The following MARCHF8 variants were observed in gnomAD, a reference collection of about 807,000 sequenced individuals.
The protein encoded by MARCHF8 is E3 ubiquitin-protein ligase MARCHF8.
In MARCHF8, 40 loss-of-function variants were observed where a neutral mutation model predicts 51.6. The ratio of observed to expected loss-of-function variants is 0.77; its 90% CI spans 0.60 to 1.01. MARCHF8 has a LOEUF of 1.01. MARCHF8 is among the 50% of genes least tolerant of loss of function. The pLI, the probability that MARCHF8 is intolerant of heterozygous loss-of-function variation, is 0.00. For missense variants in MARCHF8, 685 were observed against 708.6 expected, an observed-to-expected ratio of 0.97 and a Z score of 0.38; for synonymous variants, 263 against 280.3, an observed-to-expected ratio of 0.94 and a Z score of 0.62.
At chr10:45,587,844 A>G (rs1219243611) in intron 1 of MARCHF8, among the ~76,000 whole-genome samples, 1 of 152,198 alleles carries the variant, frequency 6.6e-6, no homozygotes, top group Admixed American at 6.5e-5. Context: ...AAAGGGGAAG[A>G]AACTCAATAG....
At chr10:45,545,716 G>C (rs967445877) in intron 1 of MARCHF8, among the ~76,000 whole-genome samples, 3 of 152,156 alleles carry the variant, frequency 2.0e-5, no homozygotes, top group African/African-American at 7.2e-5. Flanking sequence ...CGCAATGCTG[G>C]ATAGATAGCA....
At chr10:45,508,151 A>T (rs776327244) in intron 2 of MARCHF8, among the ~76,000 whole-genome samples, 3 of 152,174 alleles carry the variant, frequency 2.0e-5, no homozygotes, top group Non-Finnish European at 2.9e-5. Flanking sequence ...AGTATTTCTC[A>T]GGCACCTATG....
At chr10:45,481,135 A>G (rs966227930) in intron 3 of MARCHF8, among the ~76,000 whole-genome samples, 6 of 152,246 alleles carry the variant, frequency 3.9e-5, no homozygotes, top group African/African-American at 1.2e-4. Flanking sequence ...GTGGACTTAC[A>G]TGGGGCCTTT....
At chr10:45,582,154 C>T (rs747760781) in intron 1 of MARCHF8, among the ~76,000 whole-genome samples, 1 of 152,152 alleles carries the variant, frequency 6.6e-6, no homozygotes, top group Non-Finnish European at 1.5e-5. Flanking sequence ...ATAACTTCAA[C>T]CTGTCTCTAA....
At chr10:45,481,348 GT>G (rs1232562322) in intron 3 of MARCHF8, among the ~76,000 whole-genome samples, 1 of 152,222 alleles carries the variant, frequency 6.6e-6, no homozygotes, top group East Asian at 1.9e-4. Context: ...TTGGGGGACT[GT>G]TGGGAAGGCA....
intron 2 of MARCHF8, among the ~76,000 whole-genome samples, chr10:45,525,075 TGTG>T (rs1341429425): frequency 1.3e-5 from 2 of 152,242 alleles, no homozygotes; most frequent in Non-Finnish European, 2.9e-5. Flanking sequence ...GTAGTAAAAG[TGTG>T]GTGATTCTGT....
intron 3 of MARCHF8, among the ~76,000 whole-genome samples, chr10:45,474,738 G>C (rs1283363650): frequency 6.6e-6 from 1 of 152,192 alleles, no homozygotes; most frequent in African/African-American, 2.4e-5. Flanking sequence ...CAACAGAGAA[G>C]TGACAGAAAA....
chr10:45,570,125 T>C lies in MARCHF8; in HGVS notation c.-79+24110A>G, dbSNP rs555396229. On this transcript the variant is annotated intron_variant, in intron 1 of 6. Transcript: ENST00000319836. ...ACTGGTGAAGTCTATCAGACACATG[T>C]GGAAGAAAATAAAGGAGTAAACAAT... Among the ~76,000 whole-genome samples the C allele has an allele frequency of 3.3e-5, 5 of 152,268 alleles. No homozygotes were observed. In the South Asian group the frequency reaches 1.0e-3, roughly 32 times the overall value.
chr10:45,469,773 G>A (rs1005522722), intron 3 of MARCHF8, among the ~76,000 whole-genome samples: 1 of 146,552 alleles, frequency 6.8e-6, no homozygotes, highest in Non-Finnish European at 1.5e-5. Context: ...GCTGAGGCAG[G>A]TGAATGGCGT....
rs1476991932 is a variant in MARCHF8 at position 45,480,090 on chromosome 10, G to A, written c.153+9277C>T. 2.0e-5 allele frequency among the ~76,000 whole-genome samples: 3 copies of A among 152,316 alleles called. No homozygotes were observed. The East Asian group carries it at 5.8e-4, about 29-fold the overall frequency. On this transcript the variant is annotated intron_variant, in intron 3 of 7. Coordinates refer to ENST00000453424, the MANE Select transcript of MARCHF8 (RefSeq NM_001282866.2). Reference sequence around the variant, plus strand: ...CTGGAGTAAAGGTGACTCTTGCTATGTTTTAGCAAAGAGACTGGCAGCATT... The same window carrying A: ...CTGGAGTAAAGGTGACTCTTGCTATATTTTAGCAAAGAGACTGGCAGCATT...
At chr10:45,551,601 C>G (rs2044195384) in intron 1 of MARCHF8, among the ~76,000 whole-genome samples, 1 of 152,040 alleles carries the variant, frequency 6.6e-6, no homozygotes, top group African/African-American at 2.4e-5. Context: ...CTCAACCAAT[C>G]AGTTGAAGGC....
intron 1 of MARCHF8, among the ~76,000 whole-genome samples, chr10:45,569,948 C>A (rs552620947): frequency 6.6e-6 from 1 of 152,030 alleles, no homozygotes; most frequent in Non-Finnish European, 1.5e-5. Context: ...GAAAGATAAA[C>A]CACACAGCAC....
intron 1 of MARCHF8, among the ~76,000 whole-genome samples, chr10:45,577,013 T>C (rs1035782491): frequency 6.8e-6 from 1 of 147,938 alleles, no homozygotes; most frequent in Non-Finnish European, 1.5e-5. Context: ...CCAATGCTAA[T>C]ATTAAGACTT....
chr10:45,560,061 C>A (rs2044292620), intron 1 of MARCHF8, among the ~76,000 whole-genome samples: 1 of 151,752 alleles, frequency 6.6e-6, no homozygotes, highest in Admixed American at 6.6e-5. Context: ...GGTAAGCTGG[C>A]AAATTAGGCA....
At chr10:45,536,591 TA>T (rs35718772), upstream of MARCHF8, among the ~76,000 whole-genome samples, 4,084 of 142,084 alleles carry the variant, frequency 0.029, 157 homozygotes, top group African/African-American at 0.088. Context: ...TTATAAATGT[TA>T]AAAAAAAAAA....
chr10:45,534,526 G>A (rs756654611), intron 1 of MARCHF8, among the ~76,000 whole-genome samples: 2 of 152,068 alleles, frequency 1.3e-5, no homozygotes, highest in Non-Finnish European at 2.9e-5. Context: ...CTTACCCACT[G>A]AGATCTATCC....
At chr10:45,523,391 G>A (rs1050540653) in intron 2 of MARCHF8, among the ~76,000 whole-genome samples, 1 of 152,148 alleles carries the variant, frequency 6.6e-6, no homozygotes, top group African/African-American at 2.4e-5. Context: ...ACATGTGATG[G>A]TGTATGCCTA....
intron 2 of MARCHF8, among the ~76,000 whole-genome samples, chr10:45,528,820 C>T (rs768029926): frequency 9.8e-4 from 149 of 152,242 alleles, no homozygotes; most frequent in African/African-American, 9.1e-4. Context: ...AACTACAAAA[C>T]GCTGACGAAA....
chr10:45,538,119 T>TC (rs1190728208), upstream of MARCHF8, among the ~76,000 whole-genome samples: 1 of 152,164 alleles, frequency 6.6e-6, no homozygotes, highest in African/African-American at 2.4e-5. Flanking sequence ...AGCTGATCTC[T>TC]CGGCAGAAAC....
Sources: allele counts gnomAD v4.1 joint callset (sites outside exome capture counted in the v4.1 genomes callset), GRCh38; gene constraint gnomAD v4.1.1; transcripts MANE v1.5; gene names NCBI Gene and HGNC (gene_info 2026-07-23, HGNC 2026-07-21).